The following SCUBE2 variants were observed in gnomAD, a reference collection of about 807,000 sequenced individuals.
SCUBE2 encodes the protein signal peptide, CUB domain and EGF like domain containing 2, also known as signal peptide, CUB and EGF-like domain-containing protein 2.
A neutral mutation model predicts 125.9 loss-of-function variants in SCUBE2; 114 were observed. The ratio of observed to expected loss-of-function variants is 0.91; its 90% CI spans 0.78 to 1.06. The LOEUF (loss-of-function observed/expected upper bound fraction) is 1.06, where lower values mean the gene tolerates loss of function less well. SCUBE2 is among the 50% of genes least tolerant of loss of function. The pLI is 0.00. For synonymous variants in SCUBE2, 459 were observed against 492.9 expected (o/e 0.93, Z 0.91); for missense variants, 1,255 against 1,301.8 (o/e 0.96, Z 0.55).
chr11:9,044,838 T>C, intron 16 of SCUBE2, among the ~76,000 whole-genome samples: 1 of 152,154 alleles, frequency 6.6e-6, no homozygotes, highest in East Asian at 1.9e-4. Context: ...GATATCTCCA[T>C]AGCTTGCTTC....
At chr11:9,050,507 C>T (rs916055354) in intron 14 of SCUBE2, 99 bp downstream of exon 14, 1 of 874,540 alleles carries the variant, frequency 1.1e-6, no homozygotes, top group South Asian at 1.4e-5. Flanking sequence ...CTTGGATCGG[C>T]TGGACAGCCC....
intron 19 of SCUBE2, 85 bp from the exon 20 acceptor site, chr11:9,027,646 CCT>C: frequency 1.8e-6 from 2 of 1,131,754 alleles, no homozygotes; most frequent in East Asian, 2.5e-5. Context: ...CCGCAGCACC[CCT>C]GTTGCCACCC....
intron 10 of SCUBE2, among the ~76,000 whole-genome samples, chr11:9,054,723 ATATTTTTTT>A (rs1858879382): frequency 2.1e-4 from 8 of 38,852 alleles, no homozygotes; most frequent in Non-Finnish European, 2.2e-4. Flanking sequence ...ATATATATAT[ATATTTTTTT>A]TTTTTTTTTT....
intron 2 of SCUBE2, among the ~76,000 whole-genome samples, chr11:9,082,887 T>A (rs1239385143): frequency 6.6e-6 from 1 of 152,200 alleles, no homozygotes; most frequent in Admixed American, 6.5e-5. Flanking sequence ...GTTTGTATTG[T>A]GATGGTTGCA....
At chr11:9,033,594 G>T in intron 17 of SCUBE2, 32 bp downstream of exon 17, 1 of 1,602,394 alleles carries the variant, frequency 6.2e-7, no homozygotes, top group Non-Finnish European at 8.5e-7. Flanking sequence ...TCAGAGATGG[G>T]AGGAGTAGGA....
intron 3 of SCUBE2, among the ~76,000 whole-genome samples, chr11:9,076,162 G>A (rs1365417025): frequency 2.0e-5 from 3 of 152,142 alleles, no homozygotes; most frequent in African/African-American, 7.2e-5. Context: ...AGGCGGGAGT[G>A]TGGGAAGGGA....
chr11:9,040,771 C>T (rs995214661), intron 16 of SCUBE2, among the ~76,000 whole-genome samples: 1 of 152,152 alleles, frequency 6.6e-6, no homozygotes, highest in African/African-American at 2.4e-5. Flanking sequence ...ATTCATATCC[C>T]AGGCAGGATG....
chr11:9,052,754 G>T lies in SCUBE2; in HGVS notation c.1526C>A (p.Ala509Asp). 1 of 1,536,568 alleles carries T rather than the reference G, an allele frequency of 6.5e-7. No individual in the cohort carries two copies. The highest frequency in any genetic ancestry group is 8.7e-7 in the Non-Finnish European group (1 of 1,146,288). Residue 509 changes from alanine to aspartate, a missense_variant, in exon 13 of 23, where the codon GCT (alanine) becomes GAT (aspartate). By Grantham distance (126) the Ala-to-Asp change is moderately radical. Coordinates refer to ENST00000649792, the MANE Select transcript of SCUBE2 (RefSeq NM_001367977.2). The part of the protein sequence containing the change: ...RNKQQKSNDS[A>D]FGDVTTIRTS... ...GCAGATTTGGTAATTACCCCCAAAA[G>T]CAGAGTCATTTGATTTTTGTTGTTT...
intron 2 of SCUBE2, among the ~76,000 whole-genome samples, chr11:9,080,640 C>T (rs186192340): frequency 1.5e-4 from 22 of 149,452 alleles, no homozygotes; most frequent in African/African-American, 4.5e-4. Flanking sequence ...CAGAGCAAGA[C>T]CCTATCTCAA....
At chr11:9,052,043 C>T (rs532014524) in intron 13 of SCUBE2, among the ~76,000 whole-genome samples, 6 of 152,318 alleles carry the variant, frequency 3.9e-5, no homozygotes, top group African/African-American at 1.4e-4. Context: ...CTCTGAGCCT[C>T]AGTTTCTTCA....
chr11:9,026,203 T>C (rs1236172348), intron 20 of SCUBE2: 5 of 180,114 alleles, frequency 2.8e-5, no homozygotes, highest in Non-Finnish European at 5.8e-5. Flanking sequence ...TCAGGCAGCA[T>C]GCTAGGCAAT....
chr11:9,066,580 C>T, intron 6 of SCUBE2, 117 bp downstream of exon 6: 1 of 830,512 alleles, frequency 1.2e-6, no homozygotes, highest in South Asian at 1.5e-5. Flanking sequence ...ACAGGGCCTG[C>T]TGGGGGGGCA....
chr11:9,065,112 T>C (rs1860080727), intron 7 of SCUBE2: 1 of 152,178 alleles, frequency 6.6e-6, no homozygotes, highest in Non-Finnish European at 1.5e-5. Flanking sequence ...CTGACTTCAC[T>C]GACCACCCAC....
chr11:9,019,794 G>A lies in SCUBE2; in HGVS notation c.*1251C>T, dbSNP rs1855167079. Among the ~76,000 whole-genome samples the A allele has an allele frequency of 6.6e-6, 1 of 152,188 alleles. No individual in the cohort carries two copies. The highest frequency in any genetic ancestry group is 2.1e-4 in the South Asian group (1 of 4,826). On this transcript the variant is annotated 3_prime_UTR_variant, in exon 23 of 23. Transcript: ENST00000649792. ...TAACAAAACACTATAGTTGTAGGTA[G>A]TCCATCCATTAGGGAAGTGGTGGCT... is the stretch of plus-strand genomic sequence containing the variant.
rs899759317 is a variant in SCUBE2 at position 9,020,100 on chromosome 11, T to C, written c.*945A>G. The stretch of plus-strand genomic sequence containing the variant: ...GGGAAGGAAGGCATACATGACAGGC[T>C]GGGCCTCACCACACCCACCTGGACC... On this transcript the variant is annotated 3_prime_UTR_variant, in exon 23 of 23. Coordinates refer to ENST00000649792, the MANE Select transcript of SCUBE2 (RefSeq NM_001367977.2). Among the ~76,000 whole-genome samples, 1 of 152,204 alleles carries C rather than the reference T, an allele frequency of 6.6e-6. No homozygotes were observed. Among genetic ancestry groups the C allele is most frequent in the African/African-American group, 2.4e-5 (1 of 41,448 alleles).
intron 3 of SCUBE2, among the ~76,000 whole-genome samples, chr11:9,076,430 T>C (rs1349827121): frequency 6.6e-6 from 1 of 152,022 alleles, no homozygotes; most frequent in African/African-American, 2.4e-5. Flanking sequence ...CTACCTCTAC[T>C]AGATTGCAAA....
At chr11:9,070,035 G>T (rs61876349) in intron 4 of SCUBE2, among the ~76,000 whole-genome samples, 1 of 152,106 alleles carries the variant, frequency 6.6e-6, no homozygotes, top group Non-Finnish European at 1.5e-5. Flanking sequence ...CATGCCCCGG[G>T]ATCTGTCTTC....
At chr11:9,087,977 G>T (rs984881039) in intron 2 of SCUBE2, among the ~76,000 whole-genome samples, 1 of 152,204 alleles carries the variant, frequency 6.6e-6, no homozygotes, top group Non-Finnish European at 1.5e-5. Context: ...GTGTCAAGGT[G>T]CTAGTAGACT....
At chr11:9,023,933 C>T (rs889052995) in intron 21 of SCUBE2, among the ~76,000 whole-genome samples, 2 of 151,962 alleles carry the variant, frequency 1.3e-5, no homozygotes, top group African/African-American at 4.8e-5. Flanking sequence ...GCCTCATGTG[C>T]ACCTTCTAAA....
Sources: allele counts gnomAD v4.1 joint callset (sites outside exome capture counted in the v4.1 genomes callset), GRCh38; gene constraint gnomAD v4.1.1; transcripts MANE v1.5; gene names NCBI Gene and HGNC (gene_info 2026-07-23, HGNC 2026-07-21).